ADAMTSL1: variants seen among roughly 807,000 people sequenced by gnomAD.
ADAMTSL1 encodes ADAMTS like 1.
Under a neutral mutation model 201.8 loss-of-function variants are expected in ADAMTSL1, and 126 were observed. That is an observed-to-expected ratio of 0.62 (90% confidence interval 0.54 to 0.72). ADAMTSL1 has a LOEUF of 0.72. Among genes scored for constraint, ADAMTSL1 ranks in the 30% least tolerant of loss-of-function variants. ADAMTSL1 has a pLI of 0.00. For synonymous variants in ADAMTSL1, 1,121 were observed against 903.4 expected (o/e 1.24, Z -4.32); for missense variants, 2,679 against 2,277.8 (o/e 1.18, Z -3.59).
At chr9:17,907,122 G>C (rs910585280) in intron 1 of ADAMTSL1, among the ~76,000 whole-genome samples, 2 of 152,206 alleles carry the variant, frequency 1.3e-5, no homozygotes, top group Non-Finnish European at 2.9e-5. Flanking sequence ...CGATCTCTGC[G>C]TTTAGGCTTG....
At chr9:18,176,254 A>G (rs1828151705) in intron 2 of ADAMTSL1, among the ~76,000 whole-genome samples, 1 of 152,052 alleles carries the variant, frequency 6.6e-6, no homozygotes, top group African/African-American at 2.4e-5. Flanking sequence ...TATGTTTGAC[A>G]CTACTTTGTT....
chr9:18,469,299 C>A (rs893221906), upstream of ADAMTSL1, among the ~76,000 whole-genome samples: 2 of 152,172 alleles, frequency 1.3e-5, no homozygotes, highest in Admixed American at 1.3e-4. Context: ...GGGTTCAGAT[C>A]TTGGCCCTTT....
intron 20 of ADAMTSL1, among the ~76,000 whole-genome samples, chr9:18,801,882 C>G (rs1001487909): frequency 6.6e-6 from 1 of 152,064 alleles, no homozygotes; most frequent in Admixed American, 6.6e-5. Flanking sequence ...TGGGTATATA[C>G]CTAATAATGG....
At chr9:18,647,174 T>C (rs1266370026) in intron 7 of ADAMTSL1, among the ~76,000 whole-genome samples, 1 of 152,192 alleles carries the variant, frequency 6.6e-6, no homozygotes, top group East Asian at 1.9e-4. Flanking sequence ...TTTATTTGTG[T>C]AGAGGTGCTT....
rs1322074363 is a variant in ADAMTSL1, at chr9:18,457,986, G to A, written c.208-46843G>A. ...TGTGTATGATCAAATCCATTAGATG[G>A]AAGAGATTGAGGTCAGTGATCTTGG... On this transcript the variant is annotated intron_variant, in intron 2 of 29. Coordinates refer to the ADAMTSL1 transcript ENST00000680146. Among the ~76,000 whole-genome samples the A allele has an allele frequency of 3.3e-5, 5 of 152,158 alleles. No individual in the cohort carries two copies. The East Asian group carries it at 9.6e-4, about 29-fold the overall frequency.
Position 17,910,993 on chromosome 9 carries a change from G to C in ADAMTSL1, c.87+4071G>C, listed in dbSNP as rs1210565057. Reference sequence around the variant, plus strand: ...CTCCCGTGTAGATACTGTAGCTATAGTGAAAGGAGACTGTGCAGTCAAGAG... The same window carrying C: ...CTCCCGTGTAGATACTGTAGCTATACTGAAAGGAGACTGTGCAGTCAAGAG... On this transcript the variant is annotated intron_variant, in intron 1 of 29. Coordinates refer to the ADAMTSL1 transcript ENST00000680146. Among the ~76,000 whole-genome samples the C allele has an allele frequency of 4.4e-5, 3 of 68,040 alleles. 1 individual carries two copies. The highest frequency in any genetic ancestry group is 8.9e-5 in the African/African-American group (3 of 33,834). 44.6% of individuals were successfully genotyped at this position (68,040 alleles called of 152,430 possible). A position where few individuals can be genotyped will look rare whatever the true frequency, so the allele number is the denominator to read the frequency against.
chr9:18,423,046 T>C (rs1205458234), intron 2 of ADAMTSL1, among the ~76,000 whole-genome samples: 2 of 152,222 alleles, frequency 1.3e-5, no homozygotes, highest in Non-Finnish European at 2.9e-5. Flanking sequence ...TCCCTCATCT[T>C]GTAGTGACCA....
rs62549125 is a variant in ADAMTSL1, at chr9:18,816,144, C to T, written c.3806-965C>T. Reference sequence around the variant, plus strand: ...CAATCTCTCGCTATCTTCCTCTCCCCGCTCCCTTCCCCAGTCTCTGTTAAC... The same window carrying T: ...CAATCTCTCGCTATCTTCCTCTCCCTGCTCCCTTCCCCAGTCTCTGTTAAC... On this transcript the variant is annotated intron_variant, in intron 20 of 28. Coordinates refer to ENST00000380548, the MANE Select transcript of ADAMTSL1 (RefSeq NM_001040272.6). Among the ~76,000 whole-genome samples the T allele has an allele frequency of 4.9e-3, 750 of 152,238 alleles. 8 individuals are homozygous for T. Among genetic ancestry groups the T allele is most frequent in the African/African-American group, 0.015 (629 of 41,546 alleles).
chr9:18,033,099 A>G (rs1024519100), intron 1 of ADAMTSL1, among the ~76,000 whole-genome samples: 2 of 152,254 alleles, frequency 1.3e-5, no homozygotes, highest in Non-Finnish European at 2.9e-5. Flanking sequence ...CAAAAATAAT[A>G]TAATAACTTC....
intron 19 of ADAMTSL1, among the ~76,000 whole-genome samples, chr9:18,788,387 C>T (rs866103159): frequency 4.0e-5 from 6 of 151,502 alleles, no homozygotes; most frequent in Middle Eastern, 3.2e-3. Flanking sequence ...CCCCCCGCCC[C>T]GCCCCCGCAA....
chr9:18,146,206 A>G (rs577188672), intron 1 of ADAMTSL1, among the ~76,000 whole-genome samples: 74 of 152,312 alleles, frequency 4.9e-4, no homozygotes, highest in African/African-American at 1.6e-3. Context: ...CCATATTTAC[A>G]TACCATAGTT....
chr9:18,389,261 T>C (rs940355378), intron 2 of ADAMTSL1, among the ~76,000 whole-genome samples: 3 of 152,066 alleles, frequency 2.0e-5, no homozygotes, highest in Admixed American at 2.0e-4. Context: ...TTGTCAAGAA[T>C]ATATATATTG....
chr9:18,803,093 G>T (rs975139050), intron 20 of ADAMTSL1, among the ~76,000 whole-genome samples: 1 of 152,218 alleles, frequency 6.6e-6, no homozygotes, highest in Non-Finnish European at 1.5e-5. Flanking sequence ...CATACTTAGA[G>T]ACTTAAAGCA....
At chr9:18,016,928 T>C (rs1820282320) in intron 1 of ADAMTSL1, among the ~76,000 whole-genome samples, 1 of 151,936 alleles carries the variant, frequency 6.6e-6, no homozygotes, top group Middle Eastern at 3.2e-3. Flanking sequence ...ATGAAAAAAC[T>C]GGGGGAGATA....
chr9:18,261,666 A>C (rs1364978200), intron 2 of ADAMTSL1, among the ~76,000 whole-genome samples: 1 of 152,206 alleles, frequency 6.6e-6, no homozygotes, highest in Non-Finnish European at 1.5e-5. Context: ...GTCATTTATC[A>C]ATACGTAGCC....
At chr9:18,718,016 A>G in intron 14 of ADAMTSL1, 1 of 1,594,878 alleles carries the variant, frequency 6.3e-7, no homozygotes, top group Non-Finnish European at 8.6e-7. Context: ...CTTCCCAGGC[A>G]CTGGAGTTTT....
At position 18,524,916 on chromosome 9, in the gene ADAMTSL1, T is replaced by G. The variant is rs1217502779; in HGVS notation, c.192-8331T>G. On this transcript the variant is annotated intron_variant, in intron 2 of 28. Transcript: ENST00000380548. ...TCTAAAATTCTCTCTTTTTGTTGTG[T>G]CTGTGCCAGGCTTTGGTATCAGGAT... 1.3e-5 allele frequency among the ~76,000 whole-genome samples: 2 copies of G among 152,182 alleles called. 1 individual carries two copies. Among genetic ancestry groups the G allele is most frequent in the African/African-American group, 4.8e-5 (2 of 41,444 alleles).
rs183288153 is a variant in ADAMTSL1 at position 18,909,959 on chromosome 9, T to C, written c.*1411T>C. 31 of 152,348 alleles carry C rather than the reference T, an allele frequency of 2.0e-4. No individual in the cohort carries two copies. In the East Asian group the frequency reaches 5.2e-3, roughly 26 times the overall value. The allele number at this position is 152,348 out of a possible 1,614,324, so 9.4% of individuals were successfully genotyped here. On this transcript the variant is annotated 3_prime_UTR_variant, in exon 29 of 29. Transcript: ENST00000380548. ...CTGGGACTCTTCGGCAAAATCCTCA[T>C]TAAGCCGAGCAGCTTTGGCCAAGTA...
At chr9:18,279,694 A>C (rs1832712215) in intron 2 of ADAMTSL1, among the ~76,000 whole-genome samples, 1 of 152,046 alleles carries the variant, frequency 6.6e-6, no homozygotes, top group Non-Finnish European at 1.5e-5. Context: ...AACATGTTTG[A>C]ACTATGCAGT....
Sources: gnomAD v4.1 joint callset for allele counts (sites outside exome capture counted in the v4.1 genomes callset) on GRCh38, gnomAD v4.1.1 for gene constraint, MANE v1.5 for transcripts, NCBI Gene and HGNC (gene_info 2026-07-23, HGNC 2026-07-21) for gene names.